The following HCN1 variants were observed in gnomAD, a reference collection of about 807,000 sequenced individuals.
HCN1 encodes hyperpolarization activated cyclic nucleotide gated potassium channel 1, also known as potassium/sodium hyperpolarization-activated cyclic nucleotide-gated channel 1.
In HCN1, 13 loss-of-function variants were observed where a neutral mutation model predicts 78.9. The observed-to-expected ratio is 0.16, with a 90% CI of 0.11 to 0.26. HCN1 has a LOEUF of 0.26. Ranked by LOEUF, HCN1 falls within the 10% of genes least tolerant of loss-of-function variation. The pLI is 1.00. For synonymous variants in HCN1, 552 were observed against 455.5 expected (o/e 1.21, Z -2.70); for missense variants, 810 against 1,154.3 (o/e 0.70, Z 4.32).
chr5:45,312,247 T>G (rs1247233513), intron 5 of HCN1, among the ~76,000 whole-genome samples: 1 of 152,196 alleles, frequency 6.6e-6, no homozygotes, highest in Non-Finnish European at 1.5e-5. Context: ...GTGCTAAGAT[T>G]TTAAATTGAA....
rs6870996 is a variant in HCN1, at chr5:45,264,933, G to A, written c.1784-2123C>T. Among the ~76,000 whole-genome samples the A allele has an allele frequency of 2.6e-3, 403 of 152,312 alleles. 1 individual carries two copies. The highest frequency in any genetic ancestry group is 9.2e-3 in the African/African-American group (382 of 41,564). On this transcript the variant is annotated intron_variant, in intron 7 of 7. Coordinates refer to ENST00000303230, the MANE Select transcript of HCN1 (RefSeq NM_021072.4). ...AGGCTGGGCGCGGTGGCTCATGCCT[G>A]TAATTCCAGCACTGTGGGAGGCTGA...
intron 3 of HCN1, among the ~76,000 whole-genome samples, chr5:45,411,601 A>AAGGTTATTT (rs1224382939): frequency 6.6e-6 from 1 of 152,074 alleles, no homozygotes; most frequent in African/African-American, 2.4e-5. Flanking sequence ...GAAGAAAATG[A>AAGGTTATTT]AGGTTATTTT....
intron 4 of HCN1, among the ~76,000 whole-genome samples, chr5:45,372,679 A>G (rs1306919335): frequency 2.8e-5 from 4 of 142,156 alleles, no homozygotes; most frequent in East Asian, 2.1e-4. Context: ...AAAATATAAA[A>G]TATTTATATA....
intron 2 of HCN1, among the ~76,000 whole-genome samples, chr5:45,469,795 G>A (rs1232369968): frequency 6.6e-6 from 1 of 151,782 alleles, no homozygotes; most frequent in Non-Finnish European, 1.5e-5. Context: ...GTGTGTGTGT[G>A]TGTGTGTGTG....
chr5:45,288,962 T>C (rs6451794), intron 6 of HCN1, among the ~76,000 whole-genome samples: 152,135 of 152,158 alleles, frequency 1, 76,056 homozygotes, highest in Middle Eastern at 1. Flanking sequence ...CCACCAGCAA[T>C]GAAGCACACA....
intron 1 of HCN1, among the ~76,000 whole-genome samples, chr5:45,660,278 T>G (rs1295829899): frequency 9.3e-6 from 1 of 107,262 alleles, no homozygotes; most frequent in East Asian, 2.7e-4. Context: ...CCAGCAGGCC[T>G]GCCCTAAAAG....
At chr5:45,420,759 C>T (rs1740210459) in intron 3 of HCN1, among the ~76,000 whole-genome samples, 1 of 152,160 alleles carries the variant, frequency 6.6e-6, no homozygotes, top group African/African-American at 2.4e-5. Context: ...ACACTCAGAT[C>T]AGGACTCTGT....
intron 1 of HCN1, among the ~76,000 whole-genome samples, chr5:45,662,889 A>T (rs1185858490): frequency 3.1e-4 from 6 of 19,330 alleles, no homozygotes; most frequent in African/African-American, 1.3e-3. Context: ...GCCCAAGGTA[A>T]TTTACAGATT....
At chr5:45,622,391 A>G (rs949354308) in intron 2 of HCN1, among the ~76,000 whole-genome samples, 1 of 152,204 alleles carries the variant, frequency 6.6e-6, no homozygotes, top group Non-Finnish European at 1.5e-5. Context: ...ATAATGAAAG[A>G]TACAAGGTAC....
intron 6 of HCN1, among the ~76,000 whole-genome samples, chr5:45,294,012 G>C (rs1442447957): frequency 6.6e-6 from 1 of 151,930 alleles, no homozygotes; most frequent in African/African-American, 2.4e-5. Flanking sequence ...TCCTACGGCT[G>C]CCTCTTCTTC....
At chr5:45,617,273 C>CTA (rs1744975981) in intron 2 of HCN1, 1 of 151,988 alleles carries the variant, frequency 6.6e-6, no homozygotes, top group Non-Finnish European at 1.5e-5. Context: ...GCTAGGAGTT[C>CTA]AACAACTAAA....
chr5:45,649,132 T>C (rs2112037628), intron 1 of HCN1, among the ~76,000 whole-genome samples: 2 of 152,122 alleles, frequency 1.3e-5, no homozygotes, highest in South Asian at 4.1e-4. Flanking sequence ...ATTCCAGCTA[T>C]CTTTCTACCT....
intron 2 of HCN1, among the ~76,000 whole-genome samples, chr5:45,587,255 T>C (rs1453518883): frequency 1.3e-5 from 2 of 152,184 alleles, no homozygotes; most frequent in Non-Finnish European, 2.9e-5. Flanking sequence ...CACACATATG[T>C]TTATTGTGGC....
rs539291779 is a variant in HCN1, at chr5:45,672,734, T to C, written c.425+22935A>G. Reference sequence around the variant, plus strand: ...TCCAATTTTTTTTAATTGGAGAGGCTTGTAGCTTTACCTATGTTCTCTGAG... The same window carrying C: ...TCCAATTTTTTTTAATTGGAGAGGCCTGTAGCTTTACCTATGTTCTCTGAG... On this transcript the variant is annotated intron_variant, in intron 1 of 7. Coordinates refer to ENST00000303230, the MANE Select transcript of HCN1 (RefSeq NM_021072.4). 2.6e-5 allele frequency among the ~76,000 whole-genome samples: 4 copies of C among 151,566 alleles called. No individual in the cohort carries two copies. The South Asian group carries it at 8.3e-4, about 31-fold the overall frequency.
At chr5:45,541,506 T>C (rs1210651804) in intron 2 of HCN1, among the ~76,000 whole-genome samples, 2 of 152,182 alleles carry the variant, frequency 1.3e-5, no homozygotes, top group Non-Finnish European at 2.9e-5. Flanking sequence ...TGCTGTGTTC[T>C]TTCATTGAAT....
At chr5:45,320,807 T>C (rs541015078) in intron 5 of HCN1, among the ~76,000 whole-genome samples, 2 of 152,024 alleles carry the variant, frequency 1.3e-5, no homozygotes, top group South Asian at 2.1e-4. Context: ...CTTTTAAAAA[T>C]CCGAATGGTT....
At chr5:45,265,173 G>A (rs976245862) in intron 7 of HCN1, among the ~76,000 whole-genome samples, 3 of 150,296 alleles carry the variant, frequency 2.0e-5, no homozygotes, top group African/African-American at 7.3e-5. Context: ...CTGGGCAACA[G>A]AGCAAGATTC....
At chr5:45,389,913 G>A (rs1262593275) in intron 4 of HCN1, among the ~76,000 whole-genome samples, 1 of 152,004 alleles carries the variant, frequency 6.6e-6, no homozygotes, top group East Asian at 1.9e-4. Context: ...TTTTTCAAAG[G>A]ATATCCCTTT....
intron 5 of HCN1, among the ~76,000 whole-genome samples, chr5:45,316,018 C>A (rs971350241): frequency 6.6e-6 from 1 of 152,212 alleles, no homozygotes; most frequent in Admixed American, 6.5e-5. Flanking sequence ...CCTTCTGAAA[C>A]TATTCCAATC....
Sources: allele counts gnomAD v4.1 joint callset (sites outside exome capture counted in the v4.1 genomes callset), GRCh38; gene constraint gnomAD v4.1.1; transcripts MANE v1.5; gene names NCBI Gene and HGNC (gene_info 2026-07-23, HGNC 2026-07-21).